COL6A3: variants seen among roughly 807,000 people sequenced by gnomAD.
The protein encoded by COL6A3 is collagen alpha-3(VI) chain.
A neutral mutation model predicts 274.1 loss-of-function variants in COL6A3; 137 were observed. That is an observed-to-expected ratio of 0.50 (90% CI 0.44 to 0.58). COL6A3 has a LOEUF of 0.58. Ranked by LOEUF, COL6A3 falls within the 20% of genes least tolerant of loss-of-function variation. The pLI, the probability that COL6A3 is intolerant of heterozygous loss-of-function variation, is 0.00. For missense variants in COL6A3, 3,950 were observed against 4,124.9 expected, an observed-to-expected ratio of 0.96 and a Z score of 1.16; for synonymous variants, 1,650 against 1,650.6, an observed-to-expected ratio of 1.00 and a Z score of 0.01.
intron 1 of COL6A3, among the ~76,000 whole-genome samples, chr2:237,410,993 T>C (rs1574787863): frequency 6.6e-6 from 1 of 152,244 alleles, no homozygotes; most frequent in Non-Finnish European, 1.5e-5. Context: ...TTCATTTTCT[T>C]AGCTAGAGCT....
chr2:237,378,517 G>T, intron 6 of COL6A3, 119 bp downstream of exon 6: 1 of 1,458,698 alleles, frequency 6.9e-7, no homozygotes. Context: ...CTATTTCAAT[G>T]GAAGGGAGCC....
At chr2:237,381,559 A>G in intron 4 of COL6A3, 60 bp from the exon 5 acceptor site, 1 of 1,361,968 alleles carries the variant, frequency 7.3e-7, no homozygotes, top group East Asian at 2.3e-5. Flanking sequence ...ATCAACAATG[A>G]CTTTCAACAA....
At chr2:237,379,440 G>A (rs988537413) in intron 5 of COL6A3, among the ~76,000 whole-genome samples, 3 of 152,106 alleles carry the variant, frequency 2.0e-5, no homozygotes, top group East Asian at 1.9e-4. Context: ...ATTGGTAGCC[G>A]AGTTTACAAA....
chr2:237,329,429 T>C (rs1485072848), intron 42 of COL6A3: 1 of 152,230 alleles, frequency 6.6e-6, no homozygotes, highest in African/African-American at 2.4e-5. Flanking sequence ...AGACTTCTAT[T>C]TTTTAAGACT....
rs779028054 is a variant in COL6A3, at chr2:237,374,493, C to A, written c.3598G>T (p.Val1200Phe). 26 of 1,614,002 alleles carry A rather than the reference C, an allele frequency of 1.6e-5. No homozygotes were observed. The highest frequency in any genetic ancestry group is 1.2e-4 in the Admixed American group (7 of 60,002). The stretch of plus-strand genomic sequence containing the variant: ...AGCTGGGTCACCCTCTCAGAGATGA[C>A]CTGTTGGACGGTCCCCAGCTGGCGA... ...TFRQLGTVQQ[V>F]ISERVTQLTR... Residue 1200 changes from valine (V) to phenylalanine (F), a missense_variant, in exon 8 of 44, where the codon GTC (valine) becomes TTC (phenylalanine). Transcript: ENST00000295550. This position sits in a 1 kb window ranked among gnomAD's most constrained non-coding sequence, Gnocchi z 4.8.
chr2:237,332,117 A>ATATATATATGTGTG (rs35490728), intron 42 of COL6A3, among the ~76,000 whole-genome samples: 1 of 64,170 alleles, frequency 1.6e-5, no homozygotes, highest in African/African-American at 4.8e-5. Flanking sequence ...ATATATATAT[A>ATATATATATGTGTG]TGAAAAGAAA....
At chr2:237,343,410 G>C (rs1170880508) in intron 36 of COL6A3, 1 of 150,572 alleles carries the variant, frequency 6.6e-6, no homozygotes, top group African/African-American at 2.4e-5. Context: ...AGCTACTCAG[G>C]AGGCTGAAGC....
In COL6A3 at chr2:237,344,534, G is replaced by A; in HGVS notation, c.7484C>T (p.Ala2495Val). Residue 2495 changes from alanine to valine, a missense_variant, in exon 36 of 44, where the codon GCC becomes GTC. Transcript: ENST00000295550. This position sits in a 1 kb window ranked among gnomAD's most constrained non-coding sequence, Gnocchi z 4.8. Reference sequence around the variant, plus strand: ...CCTCACACGCTTAAATGTGTTCCTGGCCACAAACGACATGGCAGTCTCCAG... The same window carrying A: ...CCTCACACGCTTAAATGTGTTCCTGACCACAAACGACATGGCAGTCTCCAG... ...QSLETAMSFV[A>V]RNTFKRVRNG... is the part of the protein sequence containing the mutation. 3.1e-6 allele frequency: 5 copies of A among 1,614,144 alleles called. No individual in the cohort carries two copies. The highest frequency in any genetic ancestry group is 3.4e-6 in the Non-Finnish European group (4 of 1,180,032).
chr2:237,331,339 C>T (rs1410109990), intron 42 of COL6A3, among the ~76,000 whole-genome samples: 2 of 151,842 alleles, frequency 1.3e-5, no homozygotes, highest in Non-Finnish European at 2.9e-5. Flanking sequence ...AAAAATTTTC[C>T]CCCCACCCCA....
intron 1 of COL6A3, among the ~76,000 whole-genome samples, chr2:237,404,657 G>T (rs1032251308): frequency 6.6e-6 from 1 of 152,144 alleles, no homozygotes; most frequent in South Asian, 2.1e-4. Context: ...ATTATGCCTT[G>T]AGCAGGTTTT....
rs149651479 is a variant in COL6A3 at position 237,353,241 on chromosome 2, T to G, written c.6690+100A>C. 3.3e-5 allele frequency: 40 copies of G among 1,195,482 alleles called. No homozygotes were observed. In the African/African-American group the frequency reaches 4.4e-4, roughly 13 times the overall value. The allele number at this position is 1,195,482 out of a possible 1,614,324, so 74.1% of individuals were successfully genotyped here. ...TACCAAATGCCACTGGATTGTTCACTTTAAAATGGTTAACTTTCCGGATAT... is the reference window on the plus strand; with the variant it reads ...TACCAAATGCCACTGGATTGTTCACGTTAAAATGGTTAACTTTCCGGATAT... On this transcript the variant is annotated intron_variant, in intron 25 of 43. Transcript: ENST00000295550.
In COL6A3 at chr2:237,342,039, A is replaced by G. The variant is rs376637667; in HGVS notation, c.7765+26T>C. 3.4e-4 allele frequency: 542 copies of G among 1,595,716 alleles called. 2 individuals are homozygous for G. Among genetic ancestry groups the G allele is most frequent in the Non-Finnish European group, 4.1e-4 (476 of 1,163,718 alleles). On this transcript the variant is annotated intron_variant, in intron 37 of 43. Transcript: ENST00000295550. ...ATGTTTTGCAATTGCAGCTGAGCAG[A>G]TCTTCCTGTTAGAGAAACAGCTTAC...
Position 237,394,636 on chromosome 2 carries a change from G to A in COL6A3, c.660C>T (p.Ser220=), listed in dbSNP as rs368636382. Residue 220 remains serine, a synonymous_variant, in exon 3 of 44, where the codon TCC becomes TCT. Coordinates refer to ENST00000295550, the MANE Select transcript of COL6A3 (RefSeq NM_004369.4). ...TGTCCCCAGCCCTTTCTGGACTCAC[G>A]GATGAATGCACACAGGACACTAAGT... The part of the protein sequence containing the change: ...VGNLVSCVHS[S]VSPERAGDTE... The A allele has an allele frequency of 9.3e-6, 15 of 1,614,022 alleles. No homozygotes were observed. In the African/African-American group the frequency reaches 9.3e-5, roughly 10 times the overall value.
rs142090771 is a variant in COL6A3, at chr2:237,361,767, C to T, written c.6128G>A (p.Arg2043His). The T allele has an allele frequency of 9.9e-6, 16 of 1,614,094 alleles. No homozygotes were observed. Among genetic ancestry groups the T allele is most frequent in the Middle Eastern group, 1.6e-4 (1 of 6,084 alleles). Residue 2043 changes from arginine (R) to histidine (H), a missense_variant, in exon 15 of 44, where the codon CGC (arginine) becomes CAC (histidine). Arg to His is a conservative substitution (Grantham distance 29). Transcript: ENST00000295550. This position sits in a 1 kb window ranked among gnomAD's most constrained non-coding sequence, Gnocchi z 5.1. ...TGGCCCGATGCTGCCGATGGGCCCG[C>T]GGTCTCCCCTCTGCCCAGAGCACTT... ...PCKCSGQRGDRGPIGSIGPKG... is the reference protein window; with the variant it reads ...PCKCSGQRGDHGPIGSIGPKG...
chr2:237,343,540 A>G lies in COL6A3; in HGVS notation c.7668+810T>C, dbSNP rs2077036062. On this transcript the variant is annotated intron_variant, in intron 36 of 43. Transcript: ENST00000295550. ...AAAAAAAAAAAAAAAAAAAAAAAAAAAAAAAAAAAAAAAAAAAAAAAAAAA... is the reference window on the plus strand; with the variant it reads ...AAAAAAAAAAAAAAAAAAAAAAAAAGAAAAAAAAAAAAAAAAAAAAAAAAA... The G allele has an allele frequency of 1.5e-4, 2 of 13,532 alleles. 1 individual carries two copies. Among genetic ancestry groups the G allele is most frequent in the African/African-American group, 1.1e-3 (2 of 1,788 alleles). 0.8% of individuals were successfully genotyped at this position (13,532 alleles called of 1,614,324 possible).
At chr2:237,335,535 T>G (rs1185006283) in intron 40 of COL6A3, among the ~76,000 whole-genome samples, 1 of 152,240 alleles carries the variant, frequency 6.6e-6, no homozygotes, top group African/African-American at 2.4e-5. Flanking sequence ...TGAGCATAGA[T>G]TTGAGCCTTG....
At chr2:237,338,958 G>GACCT in intron 39 of COL6A3, 57 bp downstream of exon 39, 1 of 1,365,288 alleles carries the variant, frequency 7.3e-7, no homozygotes, top group Non-Finnish European at 1.0e-6. Context: ...GTGGTTGGAG[G>GACCT]ACCTGTGCAT....
chr2:237,369,234 G>T, intron 9 of COL6A3, 57 bp from the exon 10 acceptor site: 1 of 1,594,726 alleles, frequency 6.3e-7, no homozygotes, highest in Non-Finnish European at 8.5e-7. Flanking sequence ...CCTCACCCAG[G>T]TTTGGTGTGC....
rs769998171 is a variant in COL6A3 at position 237,374,887 on chromosome 2, G to A, written c.3204C>T (p.Ala1068=). The change falls in exon 8 of 44, where the codon GCC becomes GCT. Residue 1068 remains alanine, a synonymous_variant. Coordinates refer to ENST00000295550, the MANE Select transcript of COL6A3 (RefSeq NM_004369.4). The surrounding 1 kb of genome is among the most constrained non-coding windows in gnomAD (Gnocchi z 4.8). The stretch of plus-strand genomic sequence containing the variant: ...TGGTCCGGTCGCTGTACTGCACCAC[G>A]GCCACGCGGACCCGGTCCTGGCCCA... ...LDVGQDRVRV[A]VVQYSDRTRP... 22 of 1,613,840 alleles carry A rather than the reference G, an allele frequency of 1.4e-5. No homozygotes were observed. Among genetic ancestry groups the A allele is most frequent in the East Asian group, 8.9e-5 (4 of 44,824 alleles).
Sources: gnomAD v4.1 joint callset for allele counts (sites outside exome capture counted in the v4.1 genomes callset) on GRCh38, gnomAD v4.1.1 for gene constraint, Gnocchi (gnomAD v3.1) non-coding constraint, MANE v1.5 for transcripts, NCBI Gene and HGNC (gene_info 2026-07-23, HGNC 2026-07-21) for gene names.